The following ADSL variants were observed in gnomAD, a reference collection of about 807,000 sequenced individuals.
ADSL encodes the protein adenylosuccinate lyase.
Under a neutral mutation model 62.1 loss-of-function variants are expected in ADSL, and 44 were observed. The observed-to-expected ratio is 0.71, with a 90% CI of 0.56 to 0.91. The LOEUF (loss-of-function observed/expected upper bound fraction) is 0.91. Ranked by LOEUF, ADSL falls within the 40% of genes least tolerant of loss-of-function variation. ADSL has a pLI of 0.00. For synonymous variants in ADSL, 198 were observed against 220.5 expected (o/e 0.90, Z 0.90); for missense variants, 531 against 627.4 (o/e 0.85, Z 1.64).
chr22:40,354,801 G>A (rs571635071), intron 4 of ADSL, among the ~76,000 whole-genome samples: 36 of 151,814 alleles, frequency 2.4e-4, no homozygotes, highest in African/African-American at 7.3e-4. Flanking sequence ...CCCGGGACGC[G>A]GAGGTTGCAG....
chr22:40,384,345 C>T (rs1402230482), intron 2 of ADSL, among the ~76,000 whole-genome samples: 2 of 152,098 alleles, frequency 1.3e-5, no homozygotes, highest in Non-Finnish European at 2.9e-5. Context: ...AAAGAATCAT[C>T]TGAGATAGAA....
chr22:40,370,810 A>T (rs1296055192), downstream of ADSL: 1 of 152,080 alleles, frequency 6.6e-6, no homozygotes. Flanking sequence ...GAAGGCGCCC[A>T]CGAGAGAAGC....
At chr22:40,361,181 G>T in intron 7 of ADSL, 92 bp from the exon 8 acceptor site, 4 of 1,218,816 alleles carry the variant, frequency 3.3e-6, no homozygotes, top group Non-Finnish European at 4.9e-6. Flanking sequence ...GCACACCTAA[G>T]AGCTCATCTC....
Position 40,362,984 on chromosome 22 carries a change from G to C in ADSL, c.1014G>C (p.Arg338=), listed in dbSNP as rs1443561093. The C allele has an allele frequency of 7.4e-6, 12 of 1,613,332 alleles. No individual in the cohort carries two copies. Among genetic ancestry groups the C allele is most frequent in the Non-Finnish European group, 6.8e-6 (8 of 1,179,276 alleles). Residue 338 remains arginine, a synonymous_variant, in exon 10 of 13, where the codon CGG becomes CGC. Coordinates refer to ENST00000623063, the MANE Select transcript of ADSL (RefSeq NM_000026.4). ...ERTLDDSANR[R]ICLAEAFLTA... is the part of the protein sequence containing the mutation. ...TGAATGGCTATTTGTTTTCTAGACG[G>C]ATCTGTTTGGCCGAGGCATTTCTTA...
downstream of ADSL, among the ~76,000 whole-genome samples, chr22:40,374,145 C>T (rs944805254): frequency 1.3e-5 from 2 of 151,480 alleles, no homozygotes; most frequent in African/African-American, 2.4e-5. Context: ...TTAGTAGAGA[C>T]GGGGCTTCAC....
In ADSL at chr22:40,358,006, G is replaced by A. The variant is rs1055803481; in HGVS notation, c.483-858G>A. On this transcript the variant is annotated intron_variant, in intron 4 of 12. Transcript: ENST00000623063. Reference sequence around the variant, plus strand: ...TTGGCCACGCTGGTCTCGAACTCCTGACCTCAAGTGATCCCCCCGTCTCAG... The same window carrying A: ...TTGGCCACGCTGGTCTCGAACTCCTAACCTCAAGTGATCCCCCCGTCTCAG... 1.6e-4 allele frequency among the ~76,000 whole-genome samples: 24 copies of A among 152,000 alleles called. 1 individual carries two copies. The highest frequency in any genetic ancestry group is 1.0e-4 in the Non-Finnish European group (7 of 68,004).
intron 12 of ADSL, 81 bp downstream of exon 12, chr22:40,365,137 A>G: frequency 2.1e-6 from 3 of 1,403,258 alleles, no homozygotes; most frequent in Middle Eastern, 2.4e-4. Flanking sequence ...TATAGGAGGT[A>G]TGGTGGGAAT....
chr22:40,370,381 A>C (rs1000183806), downstream of ADSL, among the ~76,000 whole-genome samples: 43 of 150,946 alleles, frequency 2.8e-4, no homozygotes, highest in Admixed American at 2.2e-3. Flanking sequence ...AAAAATTAGC[A>C]AGTTATTTGC....
At chr22:40,359,805 A>G (rs2044710612) in intron 6 of ADSL, among the ~76,000 whole-genome samples, 1 of 152,174 alleles carries the variant, frequency 6.6e-6, no homozygotes, top group South Asian at 2.1e-4. Flanking sequence ...TGCTAGGATT[A>G]TAGGCATGAG....
chr22:40,355,031 C>T (rs997463851), intron 4 of ADSL, among the ~76,000 whole-genome samples: 1 of 152,094 alleles, frequency 6.6e-6, no homozygotes, highest in South Asian at 2.1e-4. Flanking sequence ...GTAACAAAGA[C>T]AGTTTATAAA....
chr22:40,354,142 G>T, intron 3 of ADSL, 106 bp from the exon 4 acceptor site: 1 of 1,016,270 alleles, frequency 9.8e-7, no homozygotes, highest in South Asian at 1.3e-5. Flanking sequence ...CCTTTCATGA[G>T]TTAGCGGTCT....
intron 1 of ADSL, among the ~76,000 whole-genome samples, chr22:40,349,609 A>G (rs2044269347): frequency 1.3e-5 from 2 of 152,066 alleles, no homozygotes; most frequent in South Asian, 2.1e-4. Context: ...GAGCTTTGTT[A>G]TAGTATACTT....
intron 9 of ADSL, 113 bp from the exon 10 acceptor site, chr22:40,362,868 T>A: frequency 9.9e-7 from 1 of 1,015,118 alleles, no homozygotes; most frequent in Non-Finnish European, 1.6e-6. Flanking sequence ...AATCATAAGA[T>A]TGAAGGAGAT....
At chr22:40,383,768 C>T (rs1186424609) in intron 2 of ADSL, among the ~76,000 whole-genome samples, 1 of 152,146 alleles carries the variant, frequency 6.6e-6, no homozygotes, top group African/African-American at 2.4e-5. Flanking sequence ...GGATATTAAC[C>T]TACTCTTTGT....
intron 3 of ADSL, 82 bp downstream of exon 3, chr22:40,353,199 A>G: frequency 1.8e-6 from 2 of 1,135,570 alleles, no homozygotes; most frequent in Non-Finnish European, 2.7e-6. Context: ...AAATCAACAC[A>G]GTGTAAATTT....
At position 40,362,972 on chromosome 22, in the gene ADSL, GT is replaced by G. The variant is rs1569101323; in HGVS notation, c.1011-5del. On this transcript the variant is annotated splice_polypyrimidine_tract_variant and splice_region_variant and intron_variant, in intron 9 of 12. Transcript: ENST00000623063. ...TTAAAGACATACTGAATGGCTATTT[GT>G]TTTCTAGACGGATCTGTTTGGCCGA... 5 of 1,611,022 alleles carry G rather than the reference GT, an allele frequency of 3.1e-6. No individual in the cohort carries two copies. The Admixed American group carries it at 8.3e-5, about 27-fold the overall frequency.
At chr22:40,358,611 C>A (rs2044655488) in intron 4 of ADSL, among the ~76,000 whole-genome samples, 1 of 152,128 alleles carries the variant, frequency 6.6e-6, no homozygotes, top group African/African-American at 2.4e-5. Context: ...AAAATTGCCT[C>A]TTGATGAAGA....
chr22:40,377,170 T>C (rs2046769640), intron 2 of ADSL, among the ~76,000 whole-genome samples: 1 of 152,242 alleles, frequency 6.6e-6, no homozygotes, highest in Non-Finnish European at 1.5e-5. Context: ...AGCTCAATTT[T>C]GCTTTGGAGA....
intron 2 of ADSL, 45 bp from the exon 3 acceptor site, chr22:40,353,028 T>G: frequency 6.4e-7 from 1 of 1,560,842 alleles, no homozygotes; most frequent in Non-Finnish European, 8.8e-7. Flanking sequence ...TAATATTGTT[T>G]GAGCAAAGCT....
Sources: allele counts gnomAD v4.1 joint callset (sites outside exome capture counted in the v4.1 genomes callset), GRCh38; gene constraint gnomAD v4.1.1; transcripts MANE v1.5; gene names NCBI Gene and HGNC (gene_info 2026-07-23, HGNC 2026-07-21).